Variants in ZNF594 observed in about 807,000 individuals in gnomAD.
The protein encoded by ZNF594 is zinc finger protein HZF18.
For missense variants in ZNF594, 1,037 were observed against 964.6 expected (o/e 1.08, Z -0.99); for synonymous variants, 336 against 309.4 (o/e 1.09, Z -0.90).
Position 5,182,736 on chromosome 17 carries a change from C to T in ZNF594, c.1521G>A (p.Arg507=). 1 of 1,613,998 alleles carries T rather than the reference C, an allele frequency of 6.2e-7. No homozygotes were observed. Among genetic ancestry groups the T allele is most frequent in the South Asian group, 1.1e-5 (1 of 91,064 alleles). Residue 507 remains arginine (R), a synonymous_variant, in exon 2 of 2, where the codon CGG becomes CGA. Coordinates refer to ENST00000575779, the MANE Select transcript of ZNF594 (RefSeq NM_032530.2). ...FRRRSLLIQH[R]RIHSGEKPYE... ...AGGGTTTCTCACCACTATGAATTCTCCGATGTTGAATAAGGAGTGAACGCC... is the reference window on the plus strand; with the variant it reads ...AGGGTTTCTCACCACTATGAATTCTTCGATGTTGAATAAGGAGTGAACGCC...
At chr17:5,187,887 CTTT>C (rs58396316) in intron 1 of ZNF594, among the ~76,000 whole-genome samples, 1 of 132,582 alleles carries the variant, frequency 7.5e-6, no homozygotes. Context: ...GCTGGATTTC[CTTT>C]TTTTTTTTTT....
chr17:5,183,836 T>C lies in ZNF594; in HGVS notation c.421A>G (p.Asn141Asp), dbSNP rs1185975244. 1.2e-6 allele frequency: 2 copies of C among 1,614,052 alleles called. No individual in the cohort carries two copies. The highest frequency in any genetic ancestry group is 1.7e-6 in the Non-Finnish European group (2 of 1,180,012). Residue 141 changes from asparagine to aspartate, a missense_variant, in exon 2 of 2, where the codon AAC becomes GAC. By Grantham distance (23) the Asn-to-Asp change is conservative (BLOSUM62 1). Coordinates refer to ENST00000575779, the MANE Select transcript of ZNF594 (RefSeq NM_032530.2). Reference sequence around the variant, plus strand: ...TGAATTCTCTGATGTATGATCAGGTTTGAACTCCTGTTGAAGGTTTTTTCA... The same window carrying C: ...TGAATTCTCTGATGTATGATCAGGTCTGAACTCCTGTTGAAGGTTTTTTCA... ...ECEKTFNRSSNLIIHQRIHTG... is the reference protein window; with the variant it reads ...ECEKTFNRSSDLIIHQRIHTG...
intron 1 of ZNF594, 169 bp from the exon 2 acceptor site, chr17:5,184,445 A>AG: frequency 1.4e-6 from 1 of 708,132 alleles, no homozygotes; most frequent in Non-Finnish European, 2.2e-6. Flanking sequence ...AACCTGTGCT[A>AG]CCACATACCC....
chr17:5,183,319 T>C lies in ZNF594; in HGVS notation c.938A>G (p.His313Arg). Residue 313 changes from histidine (H) to arginine (R), a missense_variant, in exon 2 of 2, where the codon CAC becomes CGC. His to Arg is a conservative substitution (Grantham distance 29). Coordinates refer to ENST00000575779, the MANE Select transcript of ZNF594 (RefSeq NM_032530.2). ...TTTCTCTCCACTGTGGAGTCTCTGGTGTTCAGTAAGGTGAGAATGCTGCCT... is the reference window on the plus strand; with the variant it reads ...TTTCTCTCCACTGTGGAGTCTCTGGCGTTCAGTAAGGTGAGAATGCTGCCT... ...AFRQHSHLTE[H>R]QRLHSGEKPY... 1 of 1,614,022 alleles carries C rather than the reference T, an allele frequency of 6.2e-7. No individual in the cohort carries two copies. The highest frequency in any genetic ancestry group is 8.5e-7 in the Non-Finnish European group (1 of 1,180,032).
chr17:5,176,842 A>G (rs550905366), downstream of ZNF594, among the ~76,000 whole-genome samples: 120 of 152,278 alleles, frequency 7.9e-4, no homozygotes, highest in African/African-American at 2.8e-3. Flanking sequence ...AGAAAGTAAT[A>G]AAGAGCAGAC....
chr17:5,177,197 T>TA (rs79095133), downstream of ZNF594, among the ~76,000 whole-genome samples: 2,831 of 106,056 alleles, frequency 0.027, 90 homozygotes, highest in African/African-American at 0.089. Flanking sequence ...CTCTGTCTCA[T>TA]AAAAAAAAAA....
intron 1 of ZNF594, among the ~76,000 whole-genome samples, chr17:5,185,410 A>AC (rs1238364650): frequency 2.0e-5 from 3 of 152,314 alleles, no homozygotes; most frequent in African/African-American, 7.2e-5. Context: ...TAGGGGGGAA[A>AC]CTGCCCCCAT....
At position 5,181,349 on chromosome 17, in the gene ZNF594, G is replaced by A. The variant is rs571864113; in HGVS notation, c.*484C>T. 3.0e-5 allele frequency: 49 copies of A among 1,612,812 alleles called. No homozygotes were observed. Among genetic ancestry groups the A allele is most frequent in the Non-Finnish European group, 3.6e-5 (43 of 1,178,970 alleles). The stretch of plus-strand genomic sequence containing the variant: ...CTCCTGTATGAGTTACCTGATGTCC[G>A]ATGAGGTCTGAGCTGCCCTGGAAAG... On this transcript the variant is annotated 3_prime_UTR_variant, in exon 2 of 2. Coordinates refer to ENST00000575779, the MANE Select transcript of ZNF594 (RefSeq NM_032530.2).
chr17:5,183,674 T>C lies in ZNF594; in HGVS notation c.583A>G (p.Ser195Gly). The change falls in exon 2 of 2, where the codon AGC becomes GGC. Residue 195 changes from serine to glycine, a missense_variant. Physicochemically the swap from Ser to Gly is moderately conservative, Grantham distance 56. Transcript: ENST00000575779. ...TGCTTATGTCTCACCAGATTGGAGC[T>C]CTGATTGAAGTCTTTTCCACATTCA... is the stretch of plus-strand genomic sequence containing the variant. ...CHECGKDFNQSSNLVRHKQIH... is the reference protein window; with the variant it reads ...CHECGKDFNQGSNLVRHKQIH... The C allele has an allele frequency of 1.9e-6, 3 of 1,614,228 alleles. No individual in the cohort carries two copies. Among genetic ancestry groups the C allele is most frequent in the Non-Finnish European group, 2.5e-6 (3 of 1,180,028 alleles).
chr17:5,184,914 T>C (rs1170118606), intron 1 of ZNF594, among the ~76,000 whole-genome samples: 1 of 152,168 alleles, frequency 6.6e-6, no homozygotes, highest in Admixed American at 6.5e-5. Flanking sequence ...AATAAATTAA[T>C]AACCAGCATA....
chr17:5,176,938 G>A (rs999562977), downstream of ZNF594, among the ~76,000 whole-genome samples: 3 of 152,148 alleles, frequency 2.0e-5, no homozygotes, highest in African/African-American at 4.8e-5. Context: ...GCTCACACCT[G>A]TAATCCCAGC....
Position 5,182,980 on chromosome 17 carries a change from T to G in ZNF594, c.1277A>C (p.His426Pro). The stretch of plus-strand genomic sequence containing the variant: ...ACATACACAAGGTTTTTCTCCACTG[T>G]GAATTCTATGATGTCTCAGAAGGTC... ...SSDLLRHHRI[H>P]SGEKPCVCSK... Residue 426 changes from histidine to proline, a missense_variant, in exon 2 of 2, where the codon CAC becomes CCC. His to Pro is a moderately conservative substitution (Grantham distance 77). Coordinates refer to ENST00000575779, the MANE Select transcript of ZNF594 (RefSeq NM_032530.2). 1 of 1,614,126 alleles carries G rather than the reference T, an allele frequency of 6.2e-7. No homozygotes were observed. Among genetic ancestry groups the G allele is most frequent in the Non-Finnish European group, 8.5e-7 (1 of 1,180,020 alleles).
chr17:5,188,993 C>T (rs1335236214), intron 1 of ZNF594, among the ~76,000 whole-genome samples: 5 of 151,624 alleles, frequency 3.3e-5, no homozygotes, highest in African/African-American at 4.8e-5. Context: ...GTGATCTGCC[C>T]GCCTTGGCCT....
rs1307110698 is a variant in ZNF594, at chr17:5,180,110, G to C, written c.*1723C>G. The C allele has an allele frequency of 1.3e-5, 2 of 151,506 alleles. No individual in the cohort carries two copies. The highest frequency in any genetic ancestry group is 2.9e-5 in the Non-Finnish European group (2 of 68,108). The allele number at this position is 151,506 out of a possible 1,614,324, so 9.4% of individuals were successfully genotyped here. ...AGTTTCGCACTTGTTGCCCAGGCTG[G>C]AGTGCAGTGGCATGATCTTGGCTCA... is the stretch of plus-strand genomic sequence containing the variant. On this transcript the variant is annotated 3_prime_UTR_variant, in exon 2 of 2. Coordinates refer to ENST00000575779, the MANE Select transcript of ZNF594 (RefSeq NM_032530.2).
Position 5,181,020 on chromosome 17 carries a change from G to A in ZNF594, c.*813C>T, listed in dbSNP as rs1335227455. ...GTGAAGTTTCTGGTGCTTAAGAAAA[G>A]CTGTCCACCCACTGAAGGCCTTACC... On this transcript the variant is annotated 3_prime_UTR_variant, in exon 2 of 2. Coordinates refer to ENST00000575779, the MANE Select transcript of ZNF594 (RefSeq NM_032530.2). The A allele has an allele frequency of 3.5e-6, 3 of 868,778 alleles. No individual in the cohort carries two copies. Among genetic ancestry groups the A allele is most frequent in the Non-Finnish European group, 5.7e-6 (3 of 528,058 alleles). 53.8% of individuals were successfully genotyped at this position (868,778 alleles called of 1,614,324 possible).
intron 1 of ZNF594, among the ~76,000 whole-genome samples, chr17:5,188,020 T>C (rs1326282721): frequency 1.3e-5 from 2 of 151,720 alleles, no homozygotes; most frequent in Non-Finnish European, 2.9e-5. Context: ...GCACCTGGCC[T>C]TGGATTTCAT....
downstream of ZNF594, among the ~76,000 whole-genome samples, chr17:5,177,279 G>C (rs1567822417): frequency 6.6e-6 from 1 of 151,452 alleles, no homozygotes; most frequent in Admixed American, 6.6e-5. Context: ...AAAGAGGAAA[G>C]ACACAGAAAA....
chr17:5,180,020 G>A lies in ZNF594; in HGVS notation c.*1813C>T, dbSNP rs12452756. 6.6e-6 allele frequency: 1 copy of A among 151,154 alleles called. No homozygotes were observed. Among genetic ancestry groups the A allele is most frequent in the South Asian group, 2.1e-4 (1 of 4,774 alleles). The allele number at this position is 151,154 out of a possible 1,614,324, so 9.4% of individuals were successfully genotyped here. On this transcript the variant is annotated 3_prime_UTR_variant, in exon 2 of 2. Coordinates refer to ENST00000575779, the MANE Select transcript of ZNF594 (RefSeq NM_032530.2). The stretch of plus-strand genomic sequence containing the variant: ...ATCCTGTTTATCCTTATAAACATTA[G>A]CTCTCACTGTACAGCATTGTAAAGA...
At position 5,182,383 on chromosome 17, in the gene ZNF594, A is replaced by C; in HGVS notation, c.1874T>G (p.Val625Gly). The change falls in exon 2 of 2, where the codon GTA (valine) becomes GGA (glycine). Residue 625 changes from valine (V) to glycine (G), a missense_variant. Physicochemically the swap from Val to Gly is moderately radical, Grantham distance 109. Coordinates refer to ENST00000575779, the MANE Select transcript of ZNF594 (RefSeq NM_032530.2). The stretch of plus-strand genomic sequence containing the variant: ...AAAAGATTTCCCACATTTGTTGCAT[A>C]CATAAGGTTTTTCTCCACTGTGAAT... ...HRIHSGEKPY[V>G]CNKCGKSFRG... 4 of 1,613,462 alleles carry C rather than the reference A, an allele frequency of 2.5e-6. No homozygotes were observed. Among genetic ancestry groups the C allele is most frequent in the Non-Finnish European group, 3.4e-6 (4 of 1,179,952 alleles).
Sources: allele counts gnomAD v4.1 joint callset (sites outside exome capture counted in the v4.1 genomes callset), GRCh38; gene constraint gnomAD v4.1.1; transcripts MANE v1.5; gene names NCBI Gene and HGNC (gene_info 2026-07-23, HGNC 2026-07-21).